Variants in CYRIA observed in about 807,000 individuals in gnomAD.
CYRIA encodes the protein CYFIP related Rac1 interactor A.
Under a neutral mutation model 43.9 loss-of-function variants are expected in CYRIA, and 15 were observed. The ratio of observed to expected loss-of-function variants is 0.34; its 90% CI spans 0.23 to 0.53. CYRIA has a LOEUF of 0.53. Among genes scored for constraint, CYRIA ranks in the 20% least tolerant of loss-of-function variants. CYRIA has a pLI of 0.94. For synonymous variants in CYRIA, 117 were observed against 136.0 expected (o/e 0.86, Z 0.97); for missense variants, 236 against 394.2 (o/e 0.60, Z 3.40).
intron 6 of CYRIA, 76 bp from the exon 7 acceptor site, chr2:16,561,609 A>C: frequency 1.8e-6 from 2 of 1,126,340 alleles, no homozygotes; most frequent in Non-Finnish European, 1.3e-6. Context: ...GAGCCCAGAC[A>C]CTAGATTTTA....
intron 2 of CYRIA, among the ~76,000 whole-genome samples, chr2:16,600,085 T>C (rs954436757): frequency 6.6e-6 from 1 of 152,140 alleles, no homozygotes; most frequent in Non-Finnish European, 1.5e-5. Flanking sequence ...AACAGTTGTG[T>C]CTATGTGTAC....
intron 3 of CYRIA, among the ~76,000 whole-genome samples, chr2:16,575,755 C>G (rs1667316732): frequency 1.3e-5 from 2 of 152,060 alleles, no homozygotes; most frequent in Middle Eastern, 3.4e-3. Flanking sequence ...ACTCGGGAGG[C>G]TGACGCAGGA....
At chr2:16,603,872 G>A (rs1280152762) in intron 2 of CYRIA, among the ~76,000 whole-genome samples, 1 of 152,210 alleles carries the variant, frequency 6.6e-6, no homozygotes, top group Non-Finnish European at 1.5e-5. Context: ...GAGCCTTTCA[G>A]AAAGTTATTC....
At chr2:16,634,002 C>T (rs1301065810) in intron 1 of CYRIA, among the ~76,000 whole-genome samples, 1 of 152,110 alleles carries the variant, frequency 6.6e-6, no homozygotes, top group Non-Finnish European at 1.5e-5. Flanking sequence ...TTCCCTCAGT[C>T]CCAGGTGCTT....
intron 3 of CYRIA, among the ~76,000 whole-genome samples, chr2:16,587,701 C>T (rs1022643956): frequency 1.3e-5 from 2 of 151,972 alleles, no homozygotes; most frequent in Admixed American, 1.3e-4. Flanking sequence ...ACGGGTCTTC[C>T]CCATACTGTT....
intron 3 of CYRIA, among the ~76,000 whole-genome samples, chr2:16,571,747 T>C (rs1667134610): frequency 6.6e-6 from 1 of 152,186 alleles, no homozygotes; most frequent in African/African-American, 2.4e-5. Flanking sequence ...GCAAAATGGA[T>C]TCGCCAAAGC....
chr2:16,549,949 A>C lies in CYRIA; in HGVS notation c.*2987T>G, dbSNP rs1666234541. 6.6e-6 allele frequency: 1 copy of C among 151,618 alleles called. No individual in the cohort carries two copies. Among genetic ancestry groups the C allele is most frequent in the Admixed American group, 6.6e-5 (1 of 15,216 alleles). The allele number at this position is 151,618 out of a possible 1,614,324, so 9.4% of individuals were successfully genotyped here. ...ATCCAAACTTTCTTTCTGGTTGTTA[A>C]TACTCCACCCCTAATGTGAAGACAT... On this transcript the variant is annotated 3_prime_UTR_variant, in exon 12 of 12. Transcript: ENST00000381323.
intron 10 of CYRIA, among the ~76,000 whole-genome samples, chr2:16,556,102 G>C (rs1206147344): frequency 6.6e-6 from 1 of 152,018 alleles, no homozygotes; most frequent in Non-Finnish European, 1.5e-5. Flanking sequence ...TTATATATTG[G>C]ATTTGGTTAT....
chr2:16,573,162 C>A (rs1667204323), intron 3 of CYRIA, among the ~76,000 whole-genome samples: 1 of 152,204 alleles, frequency 6.6e-6, no homozygotes, highest in African/African-American at 2.4e-5. Flanking sequence ...CCTCAGCTTA[C>A]ATTTCATGCC....
chr2:16,642,884 C>T (rs1396864092), intron 1 of CYRIA, among the ~76,000 whole-genome samples: 3 of 152,126 alleles, frequency 2.0e-5, no homozygotes, highest in East Asian at 3.8e-4. Flanking sequence ...ATGGCCTTCC[C>T]TGCAACAGCC....
intron 1 of CYRIA, among the ~76,000 whole-genome samples, chr2:16,626,429 C>T (rs1049792320): frequency 6.6e-6 from 1 of 152,210 alleles, no homozygotes; most frequent in South Asian, 2.1e-4. Flanking sequence ...TTAACACGGA[C>T]CCCCACTCAG....
intron 3 of CYRIA, among the ~76,000 whole-genome samples, chr2:16,580,144 C>T (rs561533499): frequency 3.2e-4 from 49 of 151,990 alleles, no homozygotes; most frequent in Non-Finnish European, 5.4e-4. Context: ...GATGAGGTCT[C>T]GCTTTGTTGC....
rs62122698 is a variant in CYRIA at position 16,565,629 on chromosome 2, C to A, written c.192+17G>T. ...CCCTCCTCGGGTGTTGTCAGTTCAG[C>A]GTGATCATTGACATACATCTCGGAT... On this transcript the variant is annotated intron_variant, in intron 4 of 11. Transcript: ENST00000381323. The A allele has an allele frequency of 4.5e-6, 7 of 1,542,932 alleles. No individual in the cohort carries two copies. The highest frequency in any genetic ancestry group is 6.2e-6 in the Non-Finnish European group (7 of 1,130,920).
intron 1 of CYRIA, among the ~76,000 whole-genome samples, chr2:16,637,432 A>G (rs1440202399): frequency 6.6e-6 from 1 of 152,154 alleles, no homozygotes; most frequent in Non-Finnish European, 1.5e-5. Flanking sequence ...TTCTCTCTTC[A>G]CCATATGAGG....
rs149301894 is a variant in CYRIA at position 16,634,300 on chromosome 2, A to T, written c.-166-10281T>A. Among the ~76,000 whole-genome samples, 870 of 152,302 alleles carry T rather than the reference A, an allele frequency of 5.7e-3. 31 individuals are homozygous for T. Among genetic ancestry groups the T allele is most frequent in the East Asian group, 2.5e-3 (13 of 5,174 alleles). Reference sequence around the variant, plus strand: ...CAGCTGCTATCTGGACTAAAACACCAGCCACACCCCTTCTCTTATATTCCA... The same window carrying T: ...CAGCTGCTATCTGGACTAAAACACCTGCCACACCCCTTCTCTTATATTCCA... On this transcript the variant is annotated intron_variant, in intron 1 of 11. Transcript: ENST00000381323.
In CYRIA at chr2:16,588,228, G is replaced by T. The variant is rs994560462; in HGVS notation, c.-10-99C>A. The stretch of plus-strand genomic sequence containing the variant: ...CCCCCATAGCTACCTTTGAAGACCA[G>T]AAAGAGAGCATCTCCAACCCAGGGG... On this transcript the variant is annotated intron_variant, in intron 2 of 11. Transcript: ENST00000381323. 1.6e-5 allele frequency: 11 copies of T among 681,074 alleles called. No homozygotes were observed. In the Admixed American group the frequency reaches 3.2e-4, roughly 20 times the overall value. 42.2% of individuals were successfully genotyped at this position (681,074 alleles called of 1,614,324 possible). A position where few individuals can be genotyped will look rare whatever the true frequency, so the allele number is the denominator to read the frequency against.
At chr2:16,656,419 C>T (rs1168885925) in intron 1 of CYRIA, among the ~76,000 whole-genome samples, 1 of 152,198 alleles carries the variant, frequency 6.6e-6, no homozygotes, top group Non-Finnish European at 1.5e-5. Flanking sequence ...CAGCCATCCC[C>T]AGAGGCACCC....
chr2:16,562,265 C>T (rs959416262), intron 5 of CYRIA, 124 bp from the exon 6 acceptor site: 23 of 1,058,610 alleles, frequency 2.2e-5, no homozygotes, highest in Admixed American at 1.1e-4. Context: ...CCGATAACTA[C>T]GTGAGGTGTG....
rs111516786 is a variant in CYRIA at position 16,582,330 on chromosome 2, C to CA, written c.70+5719dup. ...TTCCAAAAGAATCCTTTTTTAAAAACAAAAAAAATTTACAACTTTGTTGAG... is the reference window on the plus strand; with the variant it reads ...TTCCAAAAGAATCCTTTTTTAAAAACAAAAAAAAATTTACAACTTTGTTGAG... On this transcript the variant is annotated intron_variant, in intron 3 of 11. Transcript: ENST00000381323. Among the ~76,000 whole-genome samples, 284 of 151,780 alleles carry CA rather than the reference C, an allele frequency of 1.9e-3. 2 individuals are homozygous for CA. Among genetic ancestry groups the CA allele is most frequent in the African/African-American group, 6.4e-3 (267 of 41,436 alleles).
Sources: allele counts gnomAD v4.1 joint callset (sites outside exome capture counted in the v4.1 genomes callset), GRCh38; gene constraint gnomAD v4.1.1; transcripts MANE v1.5; gene names NCBI Gene and HGNC (gene_info 2026-07-23, HGNC 2026-07-21).